RUNX1: variants seen among roughly 807,000 people sequenced by gnomAD.
RUNX1 encodes RUNX family transcription factor 1, also known as runt-related transcription factor 1.
A neutral mutation model predicts 42.8 loss-of-function variants in RUNX1; 19 were observed. The ratio of observed to expected loss-of-function variants is 0.44; its 90% CI spans 0.31 to 0.65. RUNX1 has a LOEUF of 0.65. Ranked by LOEUF, RUNX1 falls within the 30% of genes least tolerant of loss-of-function variation. The pLI is 0.07. For missense variants in RUNX1, 528 were observed against 672.0 expected, an observed-to-expected ratio of 0.79 and a Z score of 2.37; for synonymous variants, 271 against 289.4, an observed-to-expected ratio of 0.94 and a Z score of 0.64.
intron 2 of RUNX1, among the ~76,000 whole-genome samples, chr21:35,041,889 G>A (rs2059362439): frequency 6.6e-6 from 1 of 151,984 alleles, no homozygotes; most frequent in Non-Finnish European, 1.5e-5. Context: ...TTTATGAAGG[G>A]CCATTTGAAA....
intron 3 of RUNX1, chr21:34,889,736 AT>A (rs1269370397): frequency 4.3e-6 from 5 of 1,174,670 alleles, no homozygotes; most frequent in East Asian, 5.1e-5. Flanking sequence ...TGCTGCGGGC[AT>A]TTTCGCGGAG....
chr21:35,025,958 C>T (rs1247744015), intron 2 of RUNX1, among the ~76,000 whole-genome samples: 1 of 152,010 alleles, frequency 6.6e-6, no homozygotes, highest in East Asian at 1.9e-4. Context: ...TCTATGTTTT[C>T]GGACAAGAAG....
chr21:34,993,484 T>C (rs993455753), intron 2 of RUNX1, among the ~76,000 whole-genome samples: 4 of 149,634 alleles, frequency 2.7e-5, no homozygotes, highest in Non-Finnish European at 1.5e-5. Context: ...GGACAATGTC[T>C]GTTTGTTTGT....
rs188869009 is a variant in RUNX1 at position 34,972,645 on chromosome 21, T to C, written c.58+76197A>G. Among the ~76,000 whole-genome samples the C allele has an allele frequency of 9.8e-5, 15 of 152,336 alleles. No homozygotes were observed. In the East Asian group the frequency reaches 2.9e-3, roughly 29 times the overall value. ...CATTTCTCTTGATTGATCTTCTGTA[T>C]AAGCAAGGTGTTGAAATGTTAGGTT... On this transcript the variant is annotated intron_variant, in intron 2 of 8. Transcript: ENST00000675419.
intron 2 of RUNX1, among the ~76,000 whole-genome samples, chr21:34,973,191 A>G (rs2058775302): frequency 6.6e-6 from 1 of 152,224 alleles, no homozygotes; most frequent in Admixed American, 6.5e-5. Context: ...AGGCAGATGT[A>G]GGAATCTTTT....
At chr21:35,025,298 C>T (rs1041194445) in intron 2 of RUNX1, among the ~76,000 whole-genome samples, 9 of 152,148 alleles carry the variant, frequency 5.9e-5, no homozygotes, top group African/African-American at 2.2e-4. Flanking sequence ...TAATAGGAAT[C>T]GATCATTCAT....
intron 2 of RUNX1, among the ~76,000 whole-genome samples, chr21:34,943,988 G>A (rs2058546757): frequency 6.6e-6 from 1 of 151,940 alleles, no homozygotes; most frequent in East Asian, 1.9e-4. Flanking sequence ...ATAATTTCTT[G>A]TGCTTACTAT....
At chr21:35,024,612 T>G (rs1273764097) in intron 2 of RUNX1, among the ~76,000 whole-genome samples, 1 of 152,214 alleles carries the variant, frequency 6.6e-6, no homozygotes, top group Non-Finnish European at 1.5e-5. Flanking sequence ...GAGGATCAGT[T>G]ATATAGTTAG....
chr21:34,960,602 C>A (rs913796695), intron 2 of RUNX1, among the ~76,000 whole-genome samples: 3 of 152,208 alleles, frequency 2.0e-5, no homozygotes, highest in Non-Finnish European at 4.4e-5. Flanking sequence ...AGGTTAAGGT[C>A]AAAGACATTC....
chr21:34,865,657 A>C (rs2057650756), intron 5 of RUNX1, among the ~76,000 whole-genome samples: 1 of 152,164 alleles, frequency 6.6e-6, no homozygotes, highest in Non-Finnish European at 1.5e-5. Flanking sequence ...ATTAGTCTTG[A>C]CGTTGGCGGC....
At chr21:34,893,025 A>T (rs2146454806) in intron 2 of RUNX1, 62 bp from the exon 3 acceptor site, 1 of 1,131,698 alleles carries the variant, frequency 8.8e-7, no homozygotes. Context: ...CTTTCCCCCG[A>T]CTTTTTTTTT....
rs1285289312 is a variant in RUNX1, at chr21:34,901,382, G to T, written c.59-8419C>A. 1.3e-5 allele frequency among the ~76,000 whole-genome samples: 2 copies of T among 152,050 alleles called. No individual in the cohort carries two copies. The highest frequency in any genetic ancestry group is 2.9e-5 in the Non-Finnish European group (2 of 68,012). The stretch of plus-strand genomic sequence containing the variant: ...AAAAGTAGCTGGGCGTGGTGGCGGC[G>T]CGTGCCTGTAGTCCCAGCTACTCGA... On this transcript the variant is annotated intron_variant, in intron 2 of 8. Coordinates refer to ENST00000675419, the MANE Select transcript of RUNX1 (RefSeq NM_001754.5). This position sits in a 1 kb window ranked among gnomAD's most constrained non-coding sequence, Gnocchi z 4.3.
chr21:34,850,982 T>C (rs538761219), intron 6 of RUNX1, among the ~76,000 whole-genome samples: 2 of 152,318 alleles, frequency 1.3e-5, no homozygotes, highest in South Asian at 4.1e-4. Flanking sequence ...GGCTGCTGCA[T>C]TCAGCCTTCC....
At chr21:34,800,125 G>C (rs2056588210) in intron 7 of RUNX1, among the ~76,000 whole-genome samples, 1 of 152,176 alleles carries the variant, frequency 6.6e-6, no homozygotes, top group South Asian at 2.1e-4. Flanking sequence ...CTTCGAGTTT[G>C]CAACTTTTAA....
Position 34,790,831 on chromosome 21 carries a change from G to C in RUNX1, c.*1304C>G. 4.3e-6 allele frequency: 1 copy of C among 233,236 alleles called. No individual in the cohort carries two copies. The highest frequency in any genetic ancestry group is 8.5e-6 in the Non-Finnish European group (1 of 118,046). 14.4% of individuals were successfully genotyped at this position (233,236 alleles called of 1,614,324 possible). ...TATAATCGTAACCCCTAAATTCATT[G>C]ATTTGGTTCCTATGTAAATGTGGCT... On this transcript the variant is annotated 3_prime_UTR_variant, in exon 9 of 9. Coordinates refer to ENST00000675419, the MANE Select transcript of RUNX1 (RefSeq NM_001754.5).
chr21:34,864,104 C>T (rs1343925479), intron 5 of RUNX1, among the ~76,000 whole-genome samples: 4 of 152,232 alleles, frequency 2.6e-5, no homozygotes, highest in Non-Finnish European at 5.9e-5. Flanking sequence ...GCGCACCTGA[C>T]AGGAGCCACA....
intron 7 of RUNX1, among the ~76,000 whole-genome samples, chr21:34,826,638 T>C (rs2056992848): frequency 6.7e-6 from 1 of 149,586 alleles, no homozygotes; most frequent in South Asian, 2.1e-4. Context: ...GAGATGGGGG[T>C]TTCACCATGT....
At chr21:35,002,119 T>A (rs2059048803) in intron 2 of RUNX1, among the ~76,000 whole-genome samples, 1 of 151,922 alleles carries the variant, frequency 6.6e-6, no homozygotes, top group Non-Finnish European at 1.5e-5. Flanking sequence ...ATTATTATTA[T>A]TATTATTACT....
chr21:34,869,384 G>C (rs1362719954), intron 5 of RUNX1, among the ~76,000 whole-genome samples: 1 of 152,188 alleles, frequency 6.6e-6, no homozygotes, highest in African/African-American at 2.4e-5. Flanking sequence ...AGTCCTACAG[G>C]TGTGCCCTCT....
Sources: allele counts gnomAD v4.1 joint callset (sites outside exome capture counted in the v4.1 genomes callset), GRCh38; gene constraint gnomAD v4.1.1; non-coding constraint Gnocchi (gnomAD v3.1); transcripts MANE v1.5; gene names NCBI Gene and HGNC (gene_info 2026-07-23, HGNC 2026-07-21).